Variants in DZIP3 observed in about 807,000 individuals in gnomAD.
DZIP3 encodes the protein E3 ubiquitin-protein ligase DZIP3.
Under a neutral mutation model 162.0 loss-of-function variants are expected in DZIP3, and 118 were observed. The observed-to-expected ratio is 0.73, with a 90% CI of 0.63 to 0.85. The LOEUF (loss-of-function observed/expected upper bound fraction) is 0.85, where lower values mean the gene tolerates loss of function less well. Among genes scored for constraint, DZIP3 ranks in the 40% least tolerant of loss-of-function variants. DZIP3 has a pLI of 0.00. For missense variants in DZIP3, 1,331 were observed against 1,407.0 expected, an observed-to-expected ratio of 0.95 and a Z score of 0.86; for synonymous variants, 438 against 458.6, an observed-to-expected ratio of 0.96 and a Z score of 0.57.
intron 19 of DZIP3, among the ~76,000 whole-genome samples, chr3:108,657,415 A>G (rs1370243112): frequency 1.3e-5 from 2 of 152,186 alleles, no homozygotes; most frequent in Non-Finnish European, 2.9e-5. Flanking sequence ...GAGAAATAAA[A>G]TCCTTTACAG....
chr3:108,593,386 G>A (rs1269115990), intron 1 of DZIP3, among the ~76,000 whole-genome samples: 1 of 152,052 alleles, frequency 6.6e-6, no homozygotes, highest in African/African-American at 2.4e-5. Context: ...GTTTTTCTTT[G>A]CTTCAGGTTT....
At chr3:108,644,887 T>G (rs1942557246) in intron 14 of DZIP3, 106 bp downstream of exon 14, 3 of 1,052,834 alleles carry the variant, frequency 2.8e-6, no homozygotes, top group Non-Finnish European at 4.1e-6. Flanking sequence ...CTCATGGTTT[T>G]GGGAAAATGG....
chr3:108,592,129 C>A (rs551904962), intron 1 of DZIP3, among the ~76,000 whole-genome samples: 4 of 151,972 alleles, frequency 2.6e-5, no homozygotes, highest in Admixed American at 2.6e-4. Context: ...ATTGATTACT[C>A]TGGTAGCTGA....
intron 32 of DZIP3, among the ~76,000 whole-genome samples, chr3:108,692,094 A>G (rs1221480874): frequency 6.6e-6 from 1 of 152,120 alleles, no homozygotes; most frequent in Non-Finnish European, 1.5e-5. Context: ...TGAAATAACA[A>G]AAGTTGGTAG....
chr3:108,602,307 G>T (rs1167622183), intron 1 of DZIP3, among the ~76,000 whole-genome samples: 2 of 152,182 alleles, frequency 1.3e-5, no homozygotes, highest in East Asian at 3.8e-4. Flanking sequence ...CAGTAAGTAA[G>T]AGGGAAAGTA....
At chr3:108,688,515 C>A in intron 29 of DZIP3, 78 bp from the exon 30 acceptor site, 2 of 1,462,752 alleles carry the variant, frequency 1.4e-6, no homozygotes, top group South Asian at 2.7e-5. Flanking sequence ...CTTACTATAC[C>A]CCGTTCTGTA....
intron 5 of DZIP3, among the ~76,000 whole-genome samples, chr3:108,618,791 G>A (rs1379871249): frequency 5.3e-5 from 8 of 151,944 alleles, no homozygotes; most frequent in Non-Finnish European, 1.2e-4. Context: ...GGCCGGGCGC[G>A]GTGGCTCACA....
At chr3:108,607,266 C>G (rs1035648160) in intron 2 of DZIP3, among the ~76,000 whole-genome samples, 2 of 152,208 alleles carry the variant, frequency 1.3e-5, no homozygotes, top group South Asian at 2.1e-4. Context: ...CCAACAAAAT[C>G]AATTAGCATA....
intron 19 of DZIP3, among the ~76,000 whole-genome samples, chr3:108,657,598 C>T (rs1943193968): frequency 1.3e-5 from 2 of 152,146 alleles, no homozygotes; most frequent in Admixed American, 1.3e-4. Flanking sequence ...GCAAAATAAC[C>T]AGCTAACATC....
intron 26 of DZIP3, 36 bp from the exon 27 acceptor site, chr3:108,684,180 G>C (rs1335791161): frequency 2.6e-6 from 4 of 1,565,888 alleles, no homozygotes; most frequent in East Asian, 2.3e-5. Context: ...TGTGGGGGGG[G>C]GTGTTGTTTA....
At chr3:108,650,702 C>T (rs1046775537) in intron 17 of DZIP3, among the ~76,000 whole-genome samples, 9 of 151,304 alleles carry the variant, frequency 5.9e-5, no homozygotes, top group African/African-American at 2.2e-4. Context: ...TTTTCAAGAA[C>T]GCTTGTAGTG....
chr3:108,606,314 T>C (rs1463247585), intron 2 of DZIP3, among the ~76,000 whole-genome samples: 2 of 152,134 alleles, frequency 1.3e-5, no homozygotes, highest in African/African-American at 2.4e-5. Context: ...CAGGGTCGTA[T>C]TGGAGATCTC....
intron 32 of DZIP3, 59 bp downstream of exon 32, chr3:108,690,962 G>T: frequency 2.8e-6 from 4 of 1,452,408 alleles, no homozygotes; most frequent in Non-Finnish European, 3.8e-6. Flanking sequence ...GCTTGTTTGA[G>T]TGGTGTAAAA....
intron 13 of DZIP3, 82 bp from the exon 14 acceptor site, chr3:108,644,082 G>T (rs757007947): frequency 1.5e-4 from 216 of 1,451,726 alleles, no homozygotes; most frequent in Non-Finnish European, 1.9e-4. Context: ...TATCCTACAG[G>T]AGCTTAGGAT....
At chr3:108,684,501 G>C (rs1269746212) in intron 27 of DZIP3, among the ~76,000 whole-genome samples, 160 bp downstream of exon 27, 2 of 151,864 alleles carry the variant, frequency 1.3e-5, no homozygotes, top group African/African-American at 4.8e-5. Context: ...CTGTGCTCAG[G>C]GTGTTACATA....
In DZIP3 at chr3:108,667,741, A is replaced by G. The variant is rs538571931; in HGVS notation, c.2424-1940A>G. Among the ~76,000 whole-genome samples, 3 of 152,318 alleles carry G rather than the reference A, an allele frequency of 2.0e-5. No homozygotes were observed. In the South Asian group the frequency reaches 6.2e-4, roughly 32 times the overall value. ...AAAAAGTTTAACTATTTTAAAAAGT[A>G]CATAATGAAAAACTGTCAAACAAGA... On this transcript the variant is annotated intron_variant, in intron 21 of 32. Transcript: ENST00000361582.
intron 21 of DZIP3, among the ~76,000 whole-genome samples, chr3:108,664,985 T>C (rs985107214): frequency 1.3e-5 from 2 of 152,150 alleles, no homozygotes; most frequent in Non-Finnish European, 2.9e-5. Context: ...CCTTGGCTTT[T>C]ACATTATGCC....
In DZIP3 at chr3:108,632,938, G is replaced by T. The variant is rs1183128379; in HGVS notation, c.697-15G>T. On this transcript the variant is annotated splice_polypyrimidine_tract_variant and intron_variant, in intron 8 of 32. Coordinates refer to ENST00000361582, the MANE Select transcript of DZIP3 (RefSeq NM_014648.4). ...TTAGTAATTCATGAGAATTCTTTCTGTTTTTAAAATCTAGGATCTTCTTAA... is the reference window on the plus strand; with the variant it reads ...TTAGTAATTCATGAGAATTCTTTCTTTTTTTAAAATCTAGGATCTTCTTAA... 1 of 1,336,606 alleles carries T rather than the reference G, an allele frequency of 7.5e-7. No individual in the cohort carries two copies. The highest frequency in any genetic ancestry group is 1.0e-6 in the Non-Finnish European group (1 of 997,532). 82.8% of individuals were successfully genotyped at this position (1,336,606 alleles called of 1,614,324 possible). A position where few individuals can be genotyped will look rare whatever the true frequency, so the allele number is the denominator to read the frequency against.
intron 8 of DZIP3, among the ~76,000 whole-genome samples, chr3:108,631,055 A>ACACACACACACACTCTCTCTCTCTCTCT: frequency 3.3e-4 from 6 of 18,012 alleles, no homozygotes; most frequent in Admixed American, 1.7e-3. Context: ...ACACACACAC[A>ACACACACACACACTCTCTCTCTCTCTCT]CTCTCTCTCT....
Sources: allele counts gnomAD v4.1 joint callset (sites outside exome capture counted in the v4.1 genomes callset), GRCh38; gene constraint gnomAD v4.1.1; transcripts MANE v1.5; gene names NCBI Gene and HGNC (gene_info 2026-07-23, HGNC 2026-07-21).